Variants in DLGAP1 observed in about 807,000 individuals in gnomAD.
The protein encoded by DLGAP1 is disks large-associated protein 1.
DLGAP1 carries 11 observed loss-of-function variants against 90.8 expected under a neutral mutation model. The ratio of observed to expected loss-of-function variants is 0.12; its 90% CI spans 0.08 to 0.20. DLGAP1 has a LOEUF of 0.20. Ranked by LOEUF, DLGAP1 falls within the 10% of genes least tolerant of loss-of-function variation. DLGAP1 has a pLI of 1.00. For synonymous variants in DLGAP1, 558 were observed against 540.7 expected, an observed-to-expected ratio of 1.03 and a Z score of -0.44; for missense variants, 1,050 against 1,333.8, an observed-to-expected ratio of 0.79 and a Z score of 3.31.
chr18:3,950,995 A>C (rs1217709044), intron 3 of DLGAP1, among the ~76,000 whole-genome samples: 1 of 152,202 alleles, frequency 6.6e-6, no homozygotes, highest in African/African-American at 2.4e-5. Context: ...TGTCCCTTAA[A>C]CAGCACATGA....
intron 7 of DLGAP1, among the ~76,000 whole-genome samples, chr18:3,645,362 A>G (rs2059082978): frequency 6.9e-6 from 1 of 144,162 alleles, no homozygotes; most frequent in African/African-American, 2.7e-5. Flanking sequence ...AATACAGAAA[A>G]TGAAAATAAA....
chr18:4,193,821 A>G (rs1399478662), intron 1 of DLGAP1, among the ~76,000 whole-genome samples: 1 of 152,190 alleles, frequency 6.6e-6, no homozygotes, highest in Non-Finnish European at 1.5e-5. Context: ...TATATTTTCA[A>G]TGCCCCAGTG....
At chr18:3,555,337 C>T (rs552888155) in intron 9 of DLGAP1, among the ~76,000 whole-genome samples, 3 of 152,154 alleles carry the variant, frequency 2.0e-5, no homozygotes, top group South Asian at 2.1e-4. Context: ...GCCTGCCAAC[C>T]GTTTTGGGGA....
At chr18:4,387,930 TACACACACAC>T (rs1171436413) in intron 1 of DLGAP1, among the ~76,000 whole-genome samples, 97 of 123,340 alleles carry the variant, frequency 7.9e-4, no homozygotes, top group African/African-American at 2.9e-3. Context: ...CCATCACACA[TACACACACAC>T]ACACACACAC....
intron 9 of DLGAP1, among the ~76,000 whole-genome samples, chr18:3,539,986 A>T (rs1568158651): frequency 6.6e-6 from 1 of 152,116 alleles, no homozygotes; most frequent in Non-Finnish European, 1.5e-5. Flanking sequence ...GCCTTTAGAC[A>T]TTTTAAACTA....
At chr18:3,679,402 A>G (rs2060429453) in intron 7 of DLGAP1, among the ~76,000 whole-genome samples, 1 of 151,904 alleles carries the variant, frequency 6.6e-6, no homozygotes, top group South Asian at 2.1e-4. Flanking sequence ...AGCAACTTTG[A>G]CTTCCCAAAA....
At chr18:3,673,945 C>T (rs1342958006) in intron 7 of DLGAP1, among the ~76,000 whole-genome samples, 2 of 151,782 alleles carry the variant, frequency 1.3e-5, no homozygotes, top group Admixed American at 6.6e-5. Flanking sequence ...TGGGTTCAAG[C>T]GATTCTCCTG....
At chr18:4,283,320 T>C (rs2079599805) in intron 1 of DLGAP1, among the ~76,000 whole-genome samples, 1 of 152,228 alleles carries the variant, frequency 6.6e-6, no homozygotes, top group Non-Finnish European at 1.5e-5. Context: ...ATGGAAGACA[T>C]TTCTTAAGTA....
chr18:4,144,611 T>G (rs1399481044), intron 2 of DLGAP1, among the ~76,000 whole-genome samples: 5 of 152,208 alleles, frequency 3.3e-5, no homozygotes, highest in South Asian at 4.1e-4. Flanking sequence ...TGATTTTTTT[T>G]TGTGCAGATA....
At chr18:3,800,698 G>A (rs1016679425) in intron 5 of DLGAP1, among the ~76,000 whole-genome samples, 1 of 151,404 alleles carries the variant, frequency 6.6e-6, no homozygotes, top group Non-Finnish European at 1.5e-5. Flanking sequence ...ATTTCTTGGT[G>A]GTGTTAAAAT....
At chr18:4,180,460 C>T (rs1442129212) in intron 1 of DLGAP1, among the ~76,000 whole-genome samples, 1 of 152,176 alleles carries the variant, frequency 6.6e-6, no homozygotes, top group African/African-American at 2.4e-5. Flanking sequence ...AGGAACTGCA[C>T]ATCTTGCAAG....
At chr18:3,922,851 G>C (rs966748056) in intron 3 of DLGAP1, among the ~76,000 whole-genome samples, 1 of 152,042 alleles carries the variant, frequency 6.6e-6, no homozygotes, top group African/African-American at 2.4e-5. Context: ...GCATGCACTA[G>C]GCCGAGTGTC....
At chr18:3,608,579 T>C (rs1370784728) in intron 7 of DLGAP1, among the ~76,000 whole-genome samples, 1 of 152,158 alleles carries the variant, frequency 6.6e-6, no homozygotes, top group Non-Finnish European at 1.5e-5. Flanking sequence ...CAGAACATAA[T>C]GCCCTAAAAT....
chr18:3,792,647 G>T lies in DLGAP1; in HGVS notation c.1172+21412C>A, dbSNP rs186630844. ...CACTGCAGACCAGAAGGAATGGGAT[G>T]GTCCCACTAACCTGACAATGTGTGG... is the stretch of plus-strand genomic sequence containing the variant. On this transcript the variant is annotated intron_variant, in intron 5 of 12. Transcript: ENST00000315677. 7.2e-4 allele frequency among the ~76,000 whole-genome samples: 110 copies of T among 152,230 alleles called. 1 individual carries two copies. The highest frequency in any genetic ancestry group is 2.6e-3 in the African/African-American group (109 of 41,546).
intron 7 of DLGAP1, among the ~76,000 whole-genome samples, chr18:3,675,923 A>G (rs2060281698): frequency 6.6e-6 from 1 of 152,250 alleles, no homozygotes; most frequent in African/African-American, 2.4e-5. Context: ...CTCATGAGCC[A>G]ATATTGATAC....
chr18:3,897,895 C>T (rs943935556), intron 3 of DLGAP1, among the ~76,000 whole-genome samples: 10 of 150,634 alleles, frequency 6.6e-5, no homozygotes, highest in East Asian at 2.0e-4. Context: ...CCCGGGTTCA[C>T]GCCATTCTCC....
chr18:3,605,948 C>G (rs1351328635), intron 7 of DLGAP1, among the ~76,000 whole-genome samples: 1 of 152,090 alleles, frequency 6.6e-6, no homozygotes, highest in Non-Finnish European at 1.5e-5. Flanking sequence ...AAATAGGAGA[C>G]TTCAAACAAA....
chr18:4,339,123 C>G (rs2081135567), intron 1 of DLGAP1, among the ~76,000 whole-genome samples: 1 of 152,154 alleles, frequency 6.6e-6, no homozygotes, highest in Non-Finnish European at 1.5e-5. Flanking sequence ...TGACTCCATT[C>G]CCATGAATTA....
intron 7 of DLGAP1, among the ~76,000 whole-genome samples, chr18:3,642,551 T>A (rs1457056001): frequency 6.6e-6 from 1 of 152,198 alleles, no homozygotes; most frequent in Non-Finnish European, 1.5e-5. Context: ...TATTACTCAC[T>A]CAGTCCTGCA....
Sources: gnomAD v4.1 joint callset for allele counts (sites outside exome capture counted in the v4.1 genomes callset) on GRCh38, gnomAD v4.1.1 for gene constraint, MANE v1.5 for transcripts, NCBI Gene and HGNC (gene_info 2026-07-23, HGNC 2026-07-21) for gene names.